Variants in BACE2 observed in about 807,000 individuals in gnomAD.
The protein encoded by BACE2 is beta-secretase 2.
BACE2 carries 17 observed loss-of-function variants against 46.2 expected under a neutral mutation model. The observed-to-expected ratio is 0.37, with a 90% CI of 0.25 to 0.55. The LOEUF (loss-of-function observed/expected upper bound fraction) is 0.55. Among genes scored for constraint, BACE2 ranks in the 20% least tolerant of loss-of-function variants. The pLI is 0.82. For synonymous variants in BACE2, 277 were observed against 295.9 expected (o/e 0.94, Z 0.66); for missense variants, 595 against 698.1 (o/e 0.85, Z 1.66).
At chr21:41,229,974 A>G (rs1986927301) in intron 2 of BACE2, 1 of 152,288 alleles carries the variant, frequency 6.6e-6, no homozygotes, top group South Asian at 2.1e-4. Flanking sequence ...AAGAGAAAGA[A>G]CACACCAGTG....
At position 41,250,852 on chromosome 21, in the gene BACE2, T is replaced by C; in HGVS notation, c.1085T>C (p.Leu362Pro). Residue 362 changes from leucine (L) to proline (P), a missense_variant, in exon 7 of 9, where the codon CTG becomes CCG. Around this residue, in one of 3 missense-constraint regions of BACE2, gnomAD observed 343 missense variants for 419.4 expected, o/e 0.82. Transcript: ENST00000330333. ...WSYFPKISIY[L>P]RDENSSRSFR... ...TACTTCCCTAAAATCTCCATCTACCTGAGAGACGAGAACTCCAGCAGGTCA... is the reference window on the plus strand; with the variant it reads ...TACTTCCCTAAAATCTCCATCTACCCGAGAGACGAGAACTCCAGCAGGTCA... 1 of 1,614,132 alleles carries C rather than the reference T, an allele frequency of 6.2e-7. No individual in the cohort carries two copies. Among genetic ancestry groups the C allele is most frequent in the Non-Finnish European group, 8.5e-7 (1 of 1,179,944 alleles).
chr21:41,262,092 T>C (rs1336630759), intron 8 of BACE2, among the ~76,000 whole-genome samples: 1 of 152,214 alleles, frequency 6.6e-6, no homozygotes, highest in Non-Finnish European at 1.5e-5. Flanking sequence ...ATCATGACTA[T>C]GTAGACCACA....
rs558561643 is a variant in BACE2 at position 41,179,499 on chromosome 21, G to A, written c.312+10924G>A. On this transcript the variant is annotated intron_variant, in intron 1 of 8. Coordinates refer to ENST00000330333, the MANE Select transcript of BACE2 (RefSeq NM_012105.5). The stretch of plus-strand genomic sequence containing the variant: ...TGAGGTGTCCAGGGTGAGGAGTGAC[G>A]GTGTCTGGGGTGAGTGAGGGTGTCC... 4.8e-5 allele frequency: 65 copies of A among 1,351,444 alleles called. No homozygotes were observed. The East Asian group carries it at 5.6e-4, about 12-fold the overall frequency. The allele number at this position is 1,351,444 out of a possible 1,614,324, so 83.7% of individuals were successfully genotyped here.
chr21:41,168,303 G>T lies in BACE2; in HGVS notation c.40G>T (p.Ala14Ser). ...CCGGGCGCTGCTGCTGCCTCTGCTG[G>T]CCCAGTGGCTCCTGCGCGCCGCCCC... ...LARALLLPLL[A>S]QWLLRAAPEL... Residue 14 changes from alanine to serine, a missense_variant, in exon 1 of 9, where the codon GCC (alanine) becomes TCC (serine). Ala to Ser is a moderately conservative substitution (Grantham distance 99, BLOSUM62 1). Coordinates refer to ENST00000330333, the MANE Select transcript of BACE2 (RefSeq NM_012105.5). 7.6e-7 allele frequency: 1 copy of T among 1,311,354 alleles called. No individual in the cohort carries two copies. The highest frequency in any genetic ancestry group is 9.7e-7 in the Non-Finnish European group (1 of 1,031,086). The allele number at this position is 1,311,354 out of a possible 1,614,324, so 81.2% of individuals were successfully genotyped here. A position where few individuals can be genotyped will look rare whatever the true frequency, so the allele number is the denominator to read the frequency against.
At chr21:41,237,821 G>A in intron 3 of BACE2, 92 bp downstream of exon 3, 1 of 1,044,898 alleles carries the variant, frequency 9.6e-7, no homozygotes, top group Non-Finnish European at 1.4e-6. Context: ...GTCTTGGGCT[G>A]TTCTTGGAGA....
At chr21:41,209,568 T>C (rs1986235632) in intron 1 of BACE2, among the ~76,000 whole-genome samples, 1 of 152,202 alleles carries the variant, frequency 6.6e-6, no homozygotes, top group Non-Finnish European at 1.5e-5. Context: ...ACTACCCCTC[T>C]TTAAGTTCAA....
chr21:41,207,857 G>T (rs1252736350), intron 1 of BACE2, among the ~76,000 whole-genome samples: 1 of 152,214 alleles, frequency 6.6e-6, no homozygotes, highest in Non-Finnish European at 1.5e-5. Flanking sequence ...GGTCGGGGGT[G>T]ATCCCTGAAG....
At chr21:41,232,641 T>C (rs1986998340) in intron 2 of BACE2, among the ~76,000 whole-genome samples, 1 of 151,954 alleles carries the variant, frequency 6.6e-6, no homozygotes, top group Admixed American at 6.5e-5. Flanking sequence ...GCCAGGCACC[T>C]CCTCCTCTCT....
intron 1 of BACE2, among the ~76,000 whole-genome samples, chr21:41,224,726 G>T (rs1215982059): frequency 6.6e-6 from 1 of 152,200 alleles, no homozygotes; most frequent in Non-Finnish European, 1.5e-5. Flanking sequence ...CAGCCCAATA[G>T]CATTGGTCCC....
At position 41,279,826 on chromosome 21, in the gene BACE2, G is replaced by A. The variant is rs888416544; in HGVS notation, c.*4202G>A. 5.9e-5 allele frequency: 9 copies of A among 152,346 alleles called. No homozygotes were observed. Among genetic ancestry groups the A allele is most frequent in the African/African-American group, 2.2e-4 (9 of 41,422 alleles). 9.4% of individuals were successfully genotyped at this position (152,346 alleles called of 1,614,324 possible). ...GCAAGGATTGGTTCATTCAACGGAT[G>A]GAGAGTACAGGATGGCTGGGACCTG... On this transcript the variant is annotated 3_prime_UTR_variant, in exon 9 of 9. Transcript: ENST00000330333.
At chr21:41,255,396 G>T (rs1236550984) in intron 7 of BACE2, among the ~76,000 whole-genome samples, 1 of 152,218 alleles carries the variant, frequency 6.6e-6, no homozygotes, top group Non-Finnish European at 1.5e-5. Context: ...TCCGATGCTT[G>T]CAGGGGAGGA....
intron 8 of BACE2, among the ~76,000 whole-genome samples, chr21:41,268,955 CTCTTT>C (rs1299175607): frequency 6.6e-6 from 1 of 151,692 alleles, no homozygotes; most frequent in African/African-American, 2.4e-5. Flanking sequence ...CTCTTCTCTT[CTCTTT>C]TCTTTTTTTT....
At position 41,275,514 on chromosome 21, in the gene BACE2, C is replaced by T. The variant is rs763450819; in HGVS notation, c.1447C>T (p.Leu483Phe). 12 of 1,613,980 alleles carry T rather than the reference C, an allele frequency of 7.4e-6. No homozygotes were observed. The highest frequency in any genetic ancestry group is 2.2e-5 in the East Asian group (1 of 44,876). Reference protein sequence around the residue: ...YALMSVCGAILLVLIVLLLLP... With the variant: ...YALMSVCGAIFLVLIVLLLLP... ...GCTCATGAGCGTCTGTGGAGCCATC[C>T]TCCTTGTCTTAATCGTCCTGCTGCT... is the stretch of plus-strand genomic sequence containing the variant. The change falls in exon 9 of 9, where the codon CTC becomes TTC. Residue 483 changes from leucine to phenylalanine, a missense_variant. Physicochemically the swap from Leu to Phe is conservative, Grantham distance 22. This residue lies in a region of BACE2 where 343 missense variants were observed against 419.4 expected (regional missense o/e 0.82). Transcript: ENST00000330333.
intron 1 of BACE2, among the ~76,000 whole-genome samples, chr21:41,190,414 A>T (rs1486543291): frequency 6.6e-6 from 1 of 152,232 alleles, no homozygotes; most frequent in Non-Finnish European, 1.5e-5. Context: ...TGCTAAAGGA[A>T]AAAGGAAATA....
intron 2 of BACE2, among the ~76,000 whole-genome samples, chr21:41,235,791 T>C (rs148328350): frequency 1.3e-5 from 2 of 152,366 alleles, no homozygotes; most frequent in East Asian, 1.9e-4. Flanking sequence ...CTGTGAGCCA[T>C]GATTGCGCTA....
intron 7 of BACE2, among the ~76,000 whole-genome samples, chr21:41,253,864 C>A (rs1322317541): frequency 6.6e-6 from 1 of 152,160 alleles, no homozygotes; most frequent in African/African-American, 2.4e-5. Context: ...TAAAAATCCA[C>A]TTTGCCTGCT....
At position 41,250,678 on chromosome 21, in the gene BACE2, A is replaced by G. The variant is rs527302833; in HGVS notation, c.985-74A>G. ...CCTGTGGGCATCTGGCGAGGTGGCT[A>G]GGAAAGCCTGGAGCTGTTTCCTGTT... On this transcript the variant is annotated intron_variant, in intron 6 of 8. Coordinates refer to ENST00000330333, the MANE Select transcript of BACE2 (RefSeq NM_012105.5). 1.4e-5 allele frequency: 20 copies of G among 1,450,690 alleles called. No homozygotes were observed. The East Asian group carries it at 3.7e-4, about 27-fold the overall frequency. 89.9% of individuals were successfully genotyped at this position (1,450,690 alleles called of 1,614,324 possible). A position where few individuals can be genotyped will look rare whatever the true frequency, so the allele number is the denominator to read the frequency against.
At position 41,187,403 on chromosome 21, in the gene BACE2, G is replaced by C. The variant is rs957663680; in HGVS notation, c.312+18828G>C. Among the ~76,000 whole-genome samples the C allele has an allele frequency of 1.4e-4, 22 of 152,340 alleles. No homozygotes were observed. In the Middle Eastern group the frequency reaches 0.014, roughly 94 times the overall value. On this transcript the variant is annotated intron_variant, in intron 1 of 8. Coordinates refer to ENST00000330333, the MANE Select transcript of BACE2 (RefSeq NM_012105.5). Reference sequence around the variant, plus strand: ...TGGCTGGCAGTTTGCTGTGGCTACTGTGTGCCTAGAACAACCACTGTGTGC... The same window carrying C: ...TGGCTGGCAGTTTGCTGTGGCTACTCTGTGCCTAGAACAACCACTGTGTGC...
chr21:41,175,232 G>A (rs1984776187), intron 1 of BACE2: 1 of 152,194 alleles, frequency 6.6e-6, no homozygotes, highest in African/African-American at 2.4e-5. Context: ...GGCCCCGGGT[G>A]GGATGTTTTC....
Sources: allele counts gnomAD v4.1 joint callset (sites outside exome capture counted in the v4.1 genomes callset), GRCh38; gene constraint gnomAD v4.1.1; regional missense constraint gnomAD v4.1.1; transcripts MANE v1.5; gene names NCBI Gene and HGNC (gene_info 2026-07-23, HGNC 2026-07-21).